Variants in IRS1 observed in about 807,000 individuals in gnomAD.
IRS1 encodes insulin receptor substrate 1.
In IRS1, 34 loss-of-function variants were observed where a neutral mutation model predicts 65.6. That is an observed-to-expected ratio of 0.52 (90% CI 0.39 to 0.69). The LOEUF is 0.69. IRS1 is among the 30% of genes least tolerant of loss of function. IRS1 has a pLI of 0.00. For synonymous variants in IRS1, 699 were observed against 683.5 expected (o/e 1.02, Z -0.35); for missense variants, 1,641 against 1,720.2 (o/e 0.95, Z 0.81).
chr2:226,762,849 A>G (rs909520569), intron 1 of IRS1, among the ~76,000 whole-genome samples: 2 of 152,250 alleles, frequency 1.3e-5, no homozygotes, highest in African/African-American at 4.8e-5. Context: ...AAATCAGCTC[A>G]AAGTGACAAG....
intron 1 of IRS1, among the ~76,000 whole-genome samples, chr2:226,790,257 T>TCTCTG (rs1186137847): frequency 6.6e-6 from 1 of 151,818 alleles, no homozygotes; most frequent in Admixed American, 6.6e-5. Context: ...GAGCCCAAGA[T>TCTCTG]CTCTGGCTCC....
chr2:226,796,965 A>G lies in IRS1; in HGVS notation c.1774T>C (p.Leu592=). The G allele has an allele frequency of 6.3e-7, 1 of 1,575,708 alleles. No individual in the cohort carries two copies. The highest frequency in any genetic ancestry group is 8.6e-7 in the Non-Finnish European group (1 of 1,157,360). The change falls in exon 1 of 2, where the codon TTG becomes CTG. Residue 592 remains leucine (L), a synonymous_variant. Coordinates refer to ENST00000305123, the MANE Select transcript of IRS1 (RefSeq NM_005544.3). ...YPEEGLEMHP[L]ERRGGHHRPD... ...CGGTGGTGCCCCCCCCGACGCTCCA[A>G]GGGGTGCATTTCCAGACCCTCCTCT...
At chr2:226,748,605 T>C (rs1938606658) in intron 1 of IRS1, among the ~76,000 whole-genome samples, 1 of 152,126 alleles carries the variant, frequency 6.6e-6, no homozygotes, top group Non-Finnish European at 1.5e-5. Context: ...CCCTACTTTA[T>C]AAGATAAATA....
chr2:226,751,579 G>A (rs78949102), intron 1 of IRS1, among the ~76,000 whole-genome samples: 1 of 152,026 alleles, frequency 6.6e-6, no homozygotes, highest in Non-Finnish European at 1.5e-5. Flanking sequence ...CACCGCGCCC[G>A]GCCGGGTATT....
At position 226,799,196 on chromosome 2, in the gene IRS1, G is replaced by A. The variant is rs1239935087; in HGVS notation, c.-458C>T. The A allele has an allele frequency of 9.1e-7, 1 of 1,104,544 alleles. No individual in the cohort carries two copies. The highest frequency in any genetic ancestry group is 1.7e-5 in the African/African-American group (1 of 58,278). 68.4% of individuals were successfully genotyped at this position (1,104,544 alleles called of 1,614,324 possible). On this transcript the variant is annotated 5_prime_UTR_variant, in exon 1 of 2. Coordinates refer to ENST00000305123, the MANE Select transcript of IRS1 (RefSeq NM_005544.3). This position sits in a 1 kb window ranked among gnomAD's most constrained non-coding sequence, Gnocchi z 6.1. ...TTCCCCTCTGGAAGCAGCGATTCCCGAGGCAAATTAAATATCCTTGGGCAG... is the reference window on the plus strand; with the variant it reads ...TTCCCCTCTGGAAGCAGCGATTCCCAAGGCAAATTAAATATCCTTGGGCAG...
rs747409858 is a variant in IRS1, at chr2:226,797,648, C to T, written c.1091G>A (p.Arg364Gln). Reference protein sequence around the residue: ...THAHRHRGSARLHPPLNHSRS... With the variant: ...THAHRHRGSAQLHPPLNHSRS... ...GCTGTGGTTGAGCGGGGGGTGCAGC[C>T]GGGCGCTGCCCCGATGCCGGTGGGC... Residue 364 changes from arginine (R) to glutamine (Q), a missense_variant, in exon 1 of 2, where the codon CGG becomes CAG. Coordinates refer to ENST00000305123, the MANE Select transcript of IRS1 (RefSeq NM_005544.3). The surrounding 1 kb of genome is among the most constrained non-coding windows in gnomAD (Gnocchi z 8.1). The T allele has an allele frequency of 8.2e-6, 13 of 1,591,632 alleles. No homozygotes were observed. The African/African-American group carries it at 1.2e-4, about 15-fold the overall frequency.
intron 1 of IRS1, among the ~76,000 whole-genome samples, chr2:226,744,960 TCTAA>T (rs1938509402): frequency 6.6e-6 from 1 of 151,686 alleles, no homozygotes; most frequent in Non-Finnish European, 1.5e-5. Flanking sequence ...AACAAAGTGG[TCTAA>T]CTATTGAAGA....
Position 226,797,441 on chromosome 2 carries a change from G to A in IRS1, c.1298C>T (p.Ser433Phe), listed in dbSNP as rs370615927. Residue 433 changes from serine (S) to phenylalanine (F), a missense_variant, in exon 1 of 2, where the codon TCC (serine) becomes TTC (phenylalanine). By Grantham distance (155) the Ser-to-Phe change is radical. Around this residue, in one of 3 missense-constraint regions of IRS1, gnomAD observed 1,324 missense variants for 1,361.0 expected, o/e 0.97. Coordinates refer to ENST00000305123, the MANE Select transcript of IRS1 (RefSeq NM_005544.3). This position sits in a 1 kb window ranked among gnomAD's most constrained non-coding sequence, Gnocchi z 8.1. ...GGAACTCCGGAAATCGCAGGGACTG[G>A]AGCCATACTCATCCGAGGAGATGAA... Reference protein sequence around the residue: ...GGFISSDEYGSSPCDFRSSFR... With the variant: ...GGFISSDEYGFSPCDFRSSFR... 1.9e-6 allele frequency: 3 copies of A among 1,613,422 alleles called. No homozygotes were observed. The highest frequency in any genetic ancestry group is 2.5e-6 in the Non-Finnish European group (3 of 1,179,944).
chr2:226,769,697 AAGGAC>A (rs781030675), intron 1 of IRS1, among the ~76,000 whole-genome samples: 5 of 152,208 alleles, frequency 3.3e-5, no homozygotes, highest in Non-Finnish European at 5.9e-5. Flanking sequence ...GATAACAGGG[AAGGAC>A]TACTCTTGTC....
intron 1 of IRS1, among the ~76,000 whole-genome samples, chr2:226,768,372 A>G (rs1939096772): frequency 1.3e-5 from 2 of 152,230 alleles, no homozygotes; most frequent in African/African-American, 4.8e-5. Flanking sequence ...CTAGGCACAT[A>G]GCAAATCTCA....
At chr2:226,789,851 G>A (rs540140074) in intron 1 of IRS1, among the ~76,000 whole-genome samples, 4 of 152,180 alleles carry the variant, frequency 2.6e-5, no homozygotes, top group Non-Finnish European at 5.9e-5. Context: ...TAGGCTGGTC[G>A]ATCAGGAGGG....
At chr2:226,749,426 CTT>C (rs1245748200) in intron 1 of IRS1, among the ~76,000 whole-genome samples, 1 of 152,198 alleles carries the variant, frequency 6.6e-6, no homozygotes, top group Non-Finnish European at 1.5e-5. Context: ...CTGGGATTCT[CTT>C]TGTGGGAATT....
chr2:226,750,700 G>A (rs543418927), intron 1 of IRS1, among the ~76,000 whole-genome samples: 3 of 152,250 alleles, frequency 2.0e-5, no homozygotes, highest in South Asian at 2.1e-4. Flanking sequence ...CATCAATATA[G>A]GACCTTGTCT....
intron 1 of IRS1, among the ~76,000 whole-genome samples, chr2:226,758,491 AG>A (rs922139978): frequency 4.6e-5 from 7 of 152,210 alleles, no homozygotes; most frequent in Non-Finnish European, 7.4e-5. Flanking sequence ...GTTGAATATC[AG>A]GAAAATGTAA....
At chr2:226,771,663 T>A (rs1231114544) in intron 1 of IRS1, among the ~76,000 whole-genome samples, 1 of 152,048 alleles carries the variant, frequency 6.6e-6, no homozygotes, top group Non-Finnish European at 1.5e-5. Flanking sequence ...TATATACATA[T>A]ATAAATCCAT....
At position 226,797,064 on chromosome 2, in the gene IRS1, G is replaced by C; in HGVS notation, c.1675C>G (p.Pro559Ala). 2 of 1,612,194 alleles carry C rather than the reference G, an allele frequency of 1.2e-6. No homozygotes were observed. The highest frequency in any genetic ancestry group is 1.7e-6 in the Non-Finnish European group (2 of 1,179,042). The change falls in exon 1 of 2, where the codon CCA becomes GCA. Residue 559 changes from proline to alanine, a missense_variant. Around this residue, in one of 3 missense-constraint regions of IRS1, gnomAD observed 1,324 missense variants for 1,361.0 expected, o/e 0.97. Coordinates refer to ENST00000305123, the MANE Select transcript of IRS1 (RefSeq NM_005544.3). This position sits in a 1 kb window ranked among gnomAD's most constrained non-coding sequence, Gnocchi z 8.1. ...CGGCCTCCACTGCCACCTCCTGGTG[G>C]GTAGGCAGGCATCATCTCTGTGTAC... is the stretch of plus-strand genomic sequence containing the variant. ...EEYTEMMPAY[P>A]PGGGSGGRLP...
chr2:226,747,265 G>A (rs1188055312), intron 1 of IRS1, among the ~76,000 whole-genome samples: 1 of 152,112 alleles, frequency 6.6e-6, no homozygotes, highest in Non-Finnish European at 1.5e-5. Flanking sequence ...GTTATGGACT[G>A]AAACATGTCT....
intron 1 of IRS1, 34 bp from the exon 2 acceptor site, chr2:226,736,284 GGT>G (rs1938323869): frequency 6.6e-6 from 1 of 152,164 alleles, no homozygotes; most frequent in Non-Finnish European, 1.5e-5. Flanking sequence ...CAGCACCACA[GGT>G]ATCTCAAACT....
chr2:226,752,247 C>T (rs1938699425), intron 1 of IRS1, among the ~76,000 whole-genome samples: 1 of 152,030 alleles, frequency 6.6e-6, no homozygotes, highest in Non-Finnish European at 1.5e-5. Context: ...CTCAAAGGTA[C>T]CAAAATTTAG....
Sources: allele counts gnomAD v4.1 joint callset (sites outside exome capture counted in the v4.1 genomes callset), GRCh38; gene constraint gnomAD v4.1.1; regional missense constraint gnomAD v4.1.1; non-coding constraint Gnocchi (gnomAD v3.1); transcripts MANE v1.5; gene names NCBI Gene and HGNC (gene_info 2026-07-23, HGNC 2026-07-21).